The following HCN3 variants were observed in gnomAD, a reference collection of about 807,000 sequenced individuals.
The protein encoded by HCN3 is hyperpolarization activated cyclic nucleotide gated potassium channel 3.
In HCN3, 36 loss-of-function variants were observed where a neutral mutation model predicts 56.8. The observed-to-expected ratio is 0.63, with a 90% CI of 0.49 to 0.84. The LOEUF (loss-of-function observed/expected upper bound fraction) is 0.84. HCN3 is among the 40% of genes least tolerant of loss of function. The pLI is 0.00. For missense variants in HCN3, 930 were observed against 1,079.3 expected (o/e 0.86, Z 1.94); for synonymous variants, 425 against 439.7 (o/e 0.97, Z 0.42).
At chr1:155,283,825 C>T in intron 2 of HCN3, 149 bp from the exon 3 acceptor site, 1 of 774,042 alleles carries the variant, frequency 1.3e-6, no homozygotes. Context: ...TGCCACAAAA[C>T]TCCACACAAA....
At chr1:155,277,922 A>G in intron 1 of HCN3, 54 bp downstream of exon 1, 1 of 1,570,346 alleles carries the variant, frequency 6.4e-7, no homozygotes, top group Non-Finnish European at 8.7e-7. Flanking sequence ...CCTCGCGGGC[A>G]GCGACACCGG....
chr1:155,284,738 G>A lies in HCN3; in HGVS notation c.1070G>A (p.Arg357Gln), dbSNP rs373629691. Residue 357 changes from arginine to glutamine, a missense_variant, in exon 4 of 8, where the codon CGG (arginine) becomes CAG (glutamine). By Grantham distance (43) the Arg-to-Gln change is conservative (BLOSUM62 1). Transcript: ENST00000368358. This position sits in a 1 kb window ranked among gnomAD's most constrained non-coding sequence, Gnocchi z 4.3. ...CTCATCCAGTCCCTGGACTCTTCCC[G>A]GCGTCAGTACCAGGAGAAGGTCAGC... Reference protein sequence around the residue: ...TALIQSLDSSRRQYQEKYKQV... With the variant: ...TALIQSLDSSQRQYQEKYKQV... 34 of 1,613,840 alleles carry A rather than the reference G, an allele frequency of 2.1e-5. No individual in the cohort carries two copies. The highest frequency in any genetic ancestry group is 1.6e-4 in the South Asian group (15 of 91,066).
Position 155,282,647 on chromosome 1 carries a change from G to C in HCN3, c.515G>C (p.Trp172Ser), listed in dbSNP as rs1312303241. Residue 172 changes from tryptophan (W) to serine (S), a missense_variant, in exon 2 of 8, where the codon TGG (tryptophan) becomes TCG (serine). Physicochemically the swap from Trp to Ser is radical, Grantham distance 177 (BLOSUM62 -3). Transcript: ENST00000368358. This position sits in a 1 kb window ranked among gnomAD's most constrained non-coding sequence, Gnocchi z 4.7. ...RAIRTRYLRT[W>S]FLVDLISSIP... is the part of the protein sequence containing the mutation. ...ATCCGCACGCGCTACCTGCGCACCT[G>C]GTTCCTGGTTGACCTCATCTCTTCT... The C allele has an allele frequency of 5.6e-6, 9 of 1,614,258 alleles. No homozygotes were observed. The highest frequency in any genetic ancestry group is 7.6e-6 in the Non-Finnish European group (9 of 1,180,046).
In HCN3 at chr1:155,284,089, T is replaced by C. The variant is rs532857443; in HGVS notation, c.824T>C (p.Leu275Pro). The C allele has an allele frequency of 6.2e-7, 1 of 1,614,214 alleles. No individual in the cohort carries two copies. Among genetic ancestry groups the C allele is most frequent in the South Asian group, 1.1e-5 (1 of 91,082 alleles). ...TGTCTGCAGTTCCTGGTGCCCATGC[T>C]GCAGGACTTCCCTCCCGACTGCTGG... is the stretch of plus-strand genomic sequence containing the variant. Reference protein sequence around the residue: ...DGCLQFLVPMLQDFPPDCWVS... With the variant: ...DGCLQFLVPMPQDFPPDCWVS... Residue 275 changes from leucine to proline, a missense_variant, in exon 3 of 8, where the codon CTG becomes CCG. Physicochemically the swap from Leu to Pro is moderately conservative, Grantham distance 98. Transcript: ENST00000368358. This position sits in a 1 kb window ranked among gnomAD's most constrained non-coding sequence, Gnocchi z 4.3.
At position 155,284,500 on chromosome 1, in the gene HCN3, G is replaced by A. The variant is rs1280850089; in HGVS notation, c.871-39G>A. 6.4e-7 allele frequency: 1 copy of A among 1,573,476 alleles called. No individual in the cohort carries two copies. Among genetic ancestry groups the A allele is most frequent in the African/African-American group, 1.3e-5 (1 of 74,226 alleles). On this transcript the variant is annotated intron_variant, in intron 3 of 7. Coordinates refer to ENST00000368358, the MANE Select transcript of HCN3 (RefSeq NM_020897.3). This position sits in a 1 kb window ranked among gnomAD's most constrained non-coding sequence, Gnocchi z 4.3. ...GGCAGGCAGAGAATGAGGCTCCGAG[G>A]GGCCCATGCCCAGCTCTGCAATATA...
At chr1:155,287,489 C>T (rs1187638770) in intron 7 of HCN3, 152 bp downstream of exon 7, 2 of 943,250 alleles carry the variant, frequency 2.1e-6, no homozygotes, top group Non-Finnish European at 3.1e-6. Context: ...ACACTGTGGC[C>T]CACTGTCCCT....
In HCN3 at chr1:155,277,741, A is replaced by T. The variant is rs1436444596; in HGVS notation, c.151A>T (p.Thr51Ser). The T allele has an allele frequency of 1.2e-6, 2 of 1,600,600 alleles. No homozygotes were observed. Among genetic ancestry groups the T allele is most frequent in the African/African-American group, 1.3e-5 (1 of 74,648 alleles). Residue 51 changes from threonine to serine, a missense_variant, in exon 1 of 8, where the codon ACG becomes TCG. By Grantham distance (58) the Thr-to-Ser change is moderately conservative. Transcript: ENST00000368358. ...GPEPKRRHLG[T>S]LLQPTVNKFS... ...TGAGCCTAAGAGGAGGCACCTTGGG[A>T]CGCTGCTCCAGCCTACGGTCAACAA...
At chr1:155,278,175 CAG>C (rs1319359686) in intron 1 of HCN3, among the ~76,000 whole-genome samples, 1 of 152,170 alleles carries the variant, frequency 6.6e-6, no homozygotes, top group Non-Finnish European at 1.5e-5. Flanking sequence ...AAGGAACTAC[CAG>C]AGTTTGGGAC....
Position 155,284,786 on chromosome 1 carries a change from G to T in HCN3, c.1089+29G>T. The T allele has an allele frequency of 6.3e-7, 1 of 1,582,094 alleles. No homozygotes were observed. Among genetic ancestry groups the T allele is most frequent in the Non-Finnish European group, 8.6e-7 (1 of 1,160,020 alleles). On this transcript the variant is annotated intron_variant, in intron 4 of 7. Coordinates refer to ENST00000368358, the MANE Select transcript of HCN3 (RefSeq NM_020897.3). The surrounding 1 kb of genome is among the most constrained non-coding windows in gnomAD (Gnocchi z 4.3). ...AGCAGGGACAGGAGAGGGAGGTGTG[G>T]CATGGAGGGGTGTTGGAGACTGGGT...
In HCN3 at chr1:155,287,936, C is replaced by T. The variant is rs897179968; in HGVS notation, c.1798C>T (p.Pro600Ser). The change falls in exon 8 of 8, where the codon CCA becomes TCA. Residue 600 changes from proline (P) to serine (S), a missense_variant. Transcript: ENST00000368358. ...CACAGGAGCTCAGCTTAGTGGAAAG[C>T]CAGTACTGTGGGAGCCACTGGTACA... ...PSTGAQLSGK[P>S]VLWEPLVHAP... is the part of the protein sequence containing the mutation. 2.5e-6 allele frequency: 4 copies of T among 1,613,932 alleles called. No individual in the cohort carries two copies. In the African/African-American group the frequency reaches 4.0e-5, roughly 16 times the overall value.
rs1472673731 is a variant in HCN3 at position 155,285,708 on chromosome 1, C to A, written c.1237-16C>A. On this transcript the variant is annotated splice_polypyrimidine_tract_variant and intron_variant, in intron 5 of 7. Coordinates refer to ENST00000368358, the MANE Select transcript of HCN3 (RefSeq NM_020897.3). The surrounding 1 kb of genome is among the most constrained non-coding windows in gnomAD (Gnocchi z 4.5). ...TCAGGGGCACAGCCTGCCTGACAGG[C>A]CCCTCCCCTGTCCAGGAGATCATTA... is the stretch of plus-strand genomic sequence containing the variant. 5 of 1,613,482 alleles carry A rather than the reference C, an allele frequency of 3.1e-6. No individual in the cohort carries two copies. Among genetic ancestry groups the A allele is most frequent in the Non-Finnish European group, 4.2e-6 (5 of 1,179,754 alleles).
chr1:155,284,506 ATG>A lies in HCN3; in HGVS notation c.871-32_871-31del. 2 of 1,587,020 alleles carry A rather than the reference ATG, an allele frequency of 1.3e-6. No homozygotes were observed. The highest frequency in any genetic ancestry group is 1.7e-6 in the Non-Finnish European group (2 of 1,161,010). On this transcript the variant is annotated intron_variant, in intron 3 of 7. Coordinates refer to ENST00000368358, the MANE Select transcript of HCN3 (RefSeq NM_020897.3). This position sits in a 1 kb window ranked among gnomAD's most constrained non-coding sequence, Gnocchi z 4.3. ...CAGAGAATGAGGCTCCGAGGGGCCC[ATG>A]CCCAGCTCTGCAATATACTCTGCCC...
chr1:155,282,165 T>C lies in HCN3; in HGVS notation c.279-246T>C, dbSNP rs1365242375. On this transcript the variant is annotated intron_variant, in intron 1 of 7. Coordinates refer to ENST00000368358, the MANE Select transcript of HCN3 (RefSeq NM_020897.3). This position sits in a 1 kb window ranked among gnomAD's most constrained non-coding sequence, Gnocchi z 4.7. ...GTATCTCCTGGAGCGCATATTTTCCTTGGATGTGTCTATACGTAGGAATGG... is the reference window on the plus strand; with the variant it reads ...GTATCTCCTGGAGCGCATATTTTCCCTGGATGTGTCTATACGTAGGAATGG... Among the ~76,000 whole-genome samples the C allele has an allele frequency of 6.6e-6, 1 of 152,252 alleles. No individual in the cohort carries two copies. Among genetic ancestry groups the C allele is most frequent in the Non-Finnish European group, 1.5e-5 (1 of 68,040 alleles).
At chr1:155,286,017 CA>C in intron 6 of HCN3, 53 bp downstream of exon 6, 1 of 1,529,578 alleles carries the variant, frequency 6.5e-7, no homozygotes, top group Non-Finnish European at 8.8e-7. Flanking sequence ...GTGGAGAGGG[CA>C]ACTGCTCCCA....
Position 155,288,602 on chromosome 1 carries a change from G to A in HCN3, c.*139G>A. On this transcript the variant is annotated 3_prime_UTR_variant, in exon 8 of 8. Transcript: ENST00000368358. This position sits in a 1 kb window ranked among gnomAD's most constrained non-coding sequence, Gnocchi z 6.5. ...ACCCTGTGCGGACATTCCGCATACTGCCATGAAGACGGTCTCTGTGTCCTC... is the reference window on the plus strand; with the variant it reads ...ACCCTGTGCGGACATTCCGCATACTACCATGAAGACGGTCTCTGTGTCCTC... 1 of 1,079,600 alleles carries A rather than the reference G, an allele frequency of 9.3e-7. No individual in the cohort carries two copies. The highest frequency in any genetic ancestry group is 1.3e-6 in the Non-Finnish European group (1 of 766,202). The allele number at this position is 1,079,600 out of a possible 1,614,324, so 66.9% of individuals were successfully genotyped here.
rs1674188016 is a variant in HCN3, at chr1:155,284,256, G to A, written c.870+121G>A. ...GATCACAACAGAAAATAGGAGCGAGGAGGTGGGGAGGAGGGAGGAAAGGGG... is the reference window on the plus strand; with the variant it reads ...GATCACAACAGAAAATAGGAGCGAGAAGGTGGGGAGGAGGGAGGAAAGGGG... On this transcript the variant is annotated intron_variant, in intron 3 of 7. Transcript: ENST00000368358. The surrounding 1 kb of genome is among the most constrained non-coding windows in gnomAD (Gnocchi z 4.3). The A allele has an allele frequency of 2.5e-6, 3 of 1,198,520 alleles. No homozygotes were observed. Among genetic ancestry groups the A allele is most frequent in the Non-Finnish European group, 3.5e-6 (3 of 855,892 alleles). The allele number at this position is 1,198,520 out of a possible 1,614,324, so 74.2% of individuals were successfully genotyped here. A position where few individuals can be genotyped will look rare whatever the true frequency, so the allele number is the denominator to read the frequency against.
At position 155,286,061 on chromosome 1, in the gene HCN3, A is replaced by C. The variant is rs559902587; in HGVS notation, c.1477+97A>C. 3,359 of 1,466,796 alleles carry C rather than the reference A, an allele frequency of 2.3e-3. 58 individuals carry two copies. In the African/African-American group the frequency reaches 0.041, roughly 18 times the overall value. The allele number at this position is 1,466,796 out of a possible 1,614,324, so 90.9% of individuals were successfully genotyped here. A position where few individuals can be genotyped will look rare whatever the true frequency, so the allele number is the denominator to read the frequency against. ...GGTCCCTGCCTCAGTACGCTGCAGA[A>C]TCACAGAGCTCCAGCCCCTCCCCAG... On this transcript the variant is annotated intron_variant, in intron 6 of 7. Transcript: ENST00000368358.
Position 155,285,211 on chromosome 1 carries a change from A to G in HCN3, c.1136A>G (p.Asp379Gly). Residue 379 changes from aspartate to glycine, a missense_variant, in exon 5 of 8, where the codon GAC becomes GGC. By Grantham distance (94) the Asp-to-Gly change is moderately conservative. Transcript: ENST00000368358. This position sits in a 1 kb window ranked among gnomAD's most constrained non-coding sequence, Gnocchi z 4.5. ...ATGTCCTTCCACAAGCTGCCAGCAG[A>G]CACGCGGCAGCGCATCCACGAGTAC... Reference protein sequence around the residue: ...QYMSFHKLPADTRQRIHEYYE... With the variant: ...QYMSFHKLPAGTRQRIHEYYE... The G allele has an allele frequency of 6.2e-7, 1 of 1,614,236 alleles. No homozygotes were observed. The highest frequency in any genetic ancestry group is 8.5e-7 in the Non-Finnish European group (1 of 1,180,032).
Position 155,285,993 on chromosome 1 carries a change from G to T in HCN3, c.1477+29G>T, listed in dbSNP as rs1216520246. The T allele has an allele frequency of 6.4e-7, 1 of 1,552,592 alleles. No homozygotes were observed. The highest frequency in any genetic ancestry group is 2.3e-5 in the East Asian group (1 of 44,230). ...AGCAGGCCTCAGGGAGGGTGGCAGG[G>T]TCACGAGCAGACAGTGGAGAGGGCA... is the stretch of plus-strand genomic sequence containing the variant. On this transcript the variant is annotated intron_variant, in intron 6 of 7. Coordinates refer to ENST00000368358, the MANE Select transcript of HCN3 (RefSeq NM_020897.3). The surrounding 1 kb of genome is among the most constrained non-coding windows in gnomAD (Gnocchi z 4.5).
Sources: gnomAD v4.1 joint callset for allele counts (sites outside exome capture counted in the v4.1 genomes callset) on GRCh38, gnomAD v4.1.1 for gene constraint, Gnocchi (gnomAD v3.1) non-coding constraint, MANE v1.5 for transcripts, NCBI Gene and HGNC (gene_info 2026-07-23, HGNC 2026-07-21) for gene names.